KRT37: variants seen among roughly 807,000 people sequenced by gnomAD.
The protein encoded by KRT37 is keratin, type I cuticular Ha7.
Under a neutral mutation model 41.9 loss-of-function variants are expected in KRT37, and 38 were observed. The observed-to-expected ratio is 0.91, with a 90% confidence interval of 0.70 to 1.19. The LOEUF is 1.19. Ranked by LOEUF, KRT37 falls within the 50% of genes most tolerant of loss-of-function variation. The probability of loss-of-function intolerance (pLI) is 0.00; values close to 1 mark genes in which losing one functional copy is unlikely to be tolerated. For missense variants in KRT37, 580 were observed against 575.5 expected (o/e 1.01, Z -0.08); for synonymous variants, 252 against 243.4 (o/e 1.04, Z -0.33).
intron 3 of KRT37, 109 bp from the exon 4 acceptor site, chr17:41,422,543 T>C (rs1407681750): frequency 3.8e-5 from 55 of 1,438,010 alleles, no homozygotes; most frequent in East Asian, 1.6e-4. Context: ...GTCCCACACA[T>C]AAGCAAATGG....
rs762388047 is a variant in KRT37 at position 41,424,113 on chromosome 17, G to A, written c.411C>T (p.Leu137=). ...TGGACTCGTGGCACTTGCTCCTCTC[G>A]AGGAGTGTGGTCTCCAGCTCTGCAT... ...QENAELETTL[L]ERSKCHESTV... is the part of the protein sequence containing the mutation. Residue 137 remains leucine (L), a synonymous_variant, in exon 1 of 7, where the codon CTC becomes CTT. Coordinates refer to ENST00000225550, the MANE Select transcript of KRT37 (RefSeq NM_003770.5). The A allele has an allele frequency of 8.7e-6, 14 of 1,614,212 alleles. No homozygotes were observed. Among genetic ancestry groups the A allele is most frequent in the Non-Finnish European group, 1.2e-5 (14 of 1,180,036 alleles).
At chr17:41,421,329 C>A in intron 6 of KRT37, 38 bp downstream of exon 6, 1 of 1,600,466 alleles carries the variant, frequency 6.2e-7, no homozygotes, top group South Asian at 1.1e-5. Context: ...GCCTGACAGT[C>A]ATGTGTGTGG....
rs763601907 is a variant in KRT37, at chr17:41,424,479, G to T, written c.45C>A (p.Thr15=). The T allele has an allele frequency of 6.2e-7, 1 of 1,602,880 alleles. No homozygotes were observed. The part of the protein sequence containing the change: ...YSTSSCPLGC[T]MAPGARNVFV... Reference sequence around the variant, plus strand: ...AGACATTTCTTGCTCCAGGAGCCATGGTGCAACCCAGAGGGCATGAGGAGG... The same window carrying T: ...AGACATTTCTTGCTCCAGGAGCCATTGTGCAACCCAGAGGGCATGAGGAGG... The change falls in exon 1 of 7, where the codon ACC becomes ACA. Residue 15 remains threonine (T), a synonymous_variant. Transcript: ENST00000225550.
intron 6 of KRT37, 66 bp downstream of exon 6, chr17:41,421,301 C>T (rs1349445892): frequency 6.5e-7 from 1 of 1,536,756 alleles, no homozygotes; most frequent in African/African-American, 1.4e-5. Context: ...CAAGCACTTC[C>T]ATTACCTCTG....
rs1470763572 is a variant in KRT37 at position 41,424,294 on chromosome 17, C to T, written c.230G>A (p.Cys77Tyr). The T allele has an allele frequency of 2.5e-6, 4 of 1,614,050 alleles. No homozygotes were observed. The highest frequency in any genetic ancestry group is 1.3e-5 in the African/African-American group (1 of 74,930). The change falls in exon 1 of 7, where the codon TGT becomes TAT. Residue 77 changes from cysteine (C) to tyrosine (Y), a missense_variant. Transcript: ENST00000225550. ...AATGTGACAGGTCCCTGGCAAGGGA[C>T]AAGCAGTGTGACTGGTTGGGGGCAG... ...LCLPPTSHTA[C>Y]PLPGTCHIPG...
chr17:41,424,467 TC>T lies in KRT37; in HGVS notation c.56del (p.Gly19GlufsTer82). ...TAGGAGAGACAAAGACATTTCTTGC[TC>T]CAGGAGCCATGGTGCAACCCAGAGG... ...SCPLGCTMAP[G>X]ARNVFVSPID... On this transcript the variant is annotated frameshift_variant, in exon 1 of 7. Coordinates refer to ENST00000225550, the MANE Select transcript of KRT37 (RefSeq NM_003770.5). LOFTEE classifies it high-confidence loss of function. 6.2e-7 allele frequency: 1 copy of T among 1,605,790 alleles called. No individual in the cohort carries two copies. The highest frequency in any genetic ancestry group is 8.5e-7 in the Non-Finnish European group (1 of 1,174,044).
rs764784797 is a variant in KRT37 at position 41,422,198 on chromosome 17, G to T, written c.895-4C>A. 1.2e-5 allele frequency: 19 copies of T among 1,613,942 alleles called. No homozygotes were observed. In the South Asian group the frequency reaches 1.5e-4, roughly 13 times the overall value. On this transcript the variant is annotated splice_region_variant and splice_polypyrimidine_tract_variant and intron_variant, in intron 4 of 6. Coordinates refer to ENST00000225550, the MANE Select transcript of KRT37 (RefSeq NM_003770.5). ...CCTGCAGGCTGATGCCTTCAGACTG[G>T]AGCACAGAGAAACACAGTCACCTCC... is the stretch of plus-strand genomic sequence containing the variant.
Position 41,422,119 on chromosome 17 carries a change from T to A in KRT37, c.970A>T (p.Arg324Ter). 2 of 1,614,186 alleles carry A rather than the reference T, an allele frequency of 1.2e-6. No individual in the cohort carries two copies. The highest frequency in any genetic ancestry group is 8.5e-7 in the Non-Finnish European group (1 of 1,180,036). ...QCCQSEILEL[R>*]CTVNALEVER... ...ACCTCCAGGGCATTCACCGTGCATC[T>A]CAGCTCCAGGATCTCCGACTGGCAG... The change falls in exon 5 of 7, where the codon AGA becomes TGA. Residue 324 changes from arginine (R) to a stop codon, truncating the protein, a stop_gained. Coordinates refer to ENST00000225550, the MANE Select transcript of KRT37 (RefSeq NM_003770.5). LOFTEE classifies it high-confidence loss of function.
Position 41,424,046 on chromosome 17 carries a change from C to A in KRT37, c.478G>T (p.Glu160Ter), listed in dbSNP as rs1044330907. ...DYQSYFRTIE[E>*]LQQKILCSKA... Reference sequence around the variant, plus strand: ...CCACACCTCACCTTCTGCTGGAGCTCCTCGATTGTACGGAAGTAGGACTGG... The same window carrying A: ...CCACACCTCACCTTCTGCTGGAGCTACTCGATTGTACGGAAGTAGGACTGG... The change falls in exon 1 of 7, where the codon GAG becomes TAG. Residue 160 changes from glutamate (E) to a stop codon, truncating the protein, a stop_gained. Transcript: ENST00000225550. LOFTEE classifies it high-confidence loss of function. 6.2e-7 allele frequency: 1 copy of A among 1,613,100 alleles called. No individual in the cohort carries two copies. The highest frequency in any genetic ancestry group is 8.5e-7 in the Non-Finnish European group (1 of 1,179,122).
intron 5 of KRT37, 103 bp downstream of exon 5, chr17:41,421,966 T>C: frequency 1.3e-6 from 2 of 1,581,964 alleles, no homozygotes; most frequent in Non-Finnish European, 1.7e-6. Context: ...ACCCCAGATC[T>C]TGACTTAATG....
Position 41,424,230 on chromosome 17 carries a change from G to A in KRT37, c.294C>T (p.Asn98=), listed in dbSNP as rs2018583452. Residue 98 remains asparagine (N), a synonymous_variant, in exon 1 of 7, where the codon AAC becomes AAT. Coordinates refer to ENST00000225550, the MANE Select transcript of KRT37 (RefSeq NM_003770.5). ...TCTCCTTCTCATGGCCATTCAGGGT[G>A]TTTTTGCCGTAGGCCCCACAGATTC... is the stretch of plus-strand genomic sequence containing the variant. ...NIGICGAYGK[N]TLNGHEKETM... 1.2e-6 allele frequency: 2 copies of A among 1,614,238 alleles called. No individual in the cohort carries two copies. The highest frequency in any genetic ancestry group is 1.7e-6 in the Non-Finnish European group (2 of 1,180,044).
chr17:41,422,662 C>T, intron 3 of KRT37, 116 bp downstream of exon 3: 1 of 1,300,158 alleles, frequency 7.7e-7, no homozygotes, highest in Non-Finnish European at 1.0e-6. Flanking sequence ...AGACCCACCT[C>T]AGCCCTGCAT....
rs2018549396 is a variant in KRT37 at position 41,422,196 on chromosome 17, T to C, written c.895-2A>G. On this transcript the variant is annotated splice_acceptor_variant, in intron 4 of 6. Coordinates refer to ENST00000225550, the MANE Select transcript of KRT37 (RefSeq NM_003770.5). LOFTEE classifies it high-confidence loss of function. Reference sequence around the variant, plus strand: ...GGCCTGCAGGCTGATGCCTTCAGACTGGAGCACAGAGAAACACAGTCACCT... The same window carrying C: ...GGCCTGCAGGCTGATGCCTTCAGACCGGAGCACAGAGAAACACAGTCACCT... 2 of 1,614,116 alleles carry C rather than the reference T, an allele frequency of 1.2e-6. No individual in the cohort carries two copies. The highest frequency in any genetic ancestry group is 1.7e-6 in the Non-Finnish European group (2 of 1,180,022).
In KRT37 at chr17:41,422,072, G is replaced by A. The variant is rs1177270882; in HGVS notation, c.1017C>T (p.Thr339=). 5.0e-6 allele frequency: 8 copies of A among 1,614,094 alleles called. No homozygotes were observed. The highest frequency in any genetic ancestry group is 6.8e-6 in the Non-Finnish European group (8 of 1,180,044). ...AGTGAGGGTGAAGGACACGTACCAA[G>A]GTGTGCTGGGCTTGGCGCTCCACCT... ...ALEVERQAQH[T]LKDCLQNSLC... is the part of the protein sequence containing the mutation. Residue 339 remains threonine, a synonymous_variant, in exon 5 of 7, where the codon ACC becomes ACT. Coordinates refer to ENST00000225550, the MANE Select transcript of KRT37 (RefSeq NM_003770.5).
chr17:41,423,235 G>A, intron 2 of KRT37: 1 of 357,288 alleles, frequency 2.8e-6, no homozygotes. Context: ...TGCCATAATA[G>A]GAGTCATTTG....
chr17:41,423,359 C>G (rs1298448587), intron 2 of KRT37: 1 of 242,174 alleles, frequency 4.1e-6, no homozygotes, highest in Admixed American at 5.2e-5. Context: ...TCAAGCACAA[C>G]TCTAGCTACC....
At position 41,421,296 on chromosome 17, in the gene KRT37, A is replaced by C. The variant is rs1026479864; in HGVS notation, c.1241+71T>G. On this transcript the variant is annotated intron_variant, in intron 6 of 6. Coordinates refer to ENST00000225550, the MANE Select transcript of KRT37 (RefSeq NM_003770.5). ...TGTTAAGATGATATCTTCTGCAAGC[A>C]CTTCCATTACCTCTGAGGAATTGCC... 6.8e-5 allele frequency: 101 copies of C among 1,489,716 alleles called. No individual in the cohort carries two copies. In the South Asian group the frequency reaches 1.0e-3, roughly 15 times the overall value. 92.3% of individuals were successfully genotyped at this position (1,489,716 alleles called of 1,614,324 possible).
rs2018525989 is a variant in KRT37, at chr17:41,420,571, A to G, written c.*307T>C. On this transcript the variant is annotated 3_prime_UTR_variant, in exon 7 of 7. Transcript: ENST00000225550. ...CTTGGTGCAGGAAGGAGGTTTATTGACCATTTAATGCAGGGAACCCAGTTA... is the reference window on the plus strand; with the variant it reads ...CTTGGTGCAGGAAGGAGGTTTATTGGCCATTTAATGCAGGGAACCCAGTTA... Among the ~76,000 whole-genome samples, 1 of 152,220 alleles carries G rather than the reference A, an allele frequency of 6.6e-6. No homozygotes were observed. Among genetic ancestry groups the G allele is most frequent in the Non-Finnish European group, 1.5e-5 (1 of 68,042 alleles).
At chr17:41,423,597 A>T (rs118124849) in intron 2 of KRT37, 165 bp downstream of exon 2, 2 of 627,500 alleles carry the variant, frequency 3.2e-6, no homozygotes, top group Non-Finnish European at 5.5e-6. Context: ...CTTTCCTCCT[A>T]TATAATGACC....
Sources: allele counts gnomAD v4.1 joint callset (sites outside exome capture counted in the v4.1 genomes callset), GRCh38; gene constraint gnomAD v4.1.1; transcripts MANE v1.5; gene names NCBI Gene and HGNC (gene_info 2026-07-23, HGNC 2026-07-21).